Variants in SMG5 observed in about 807,000 individuals in gnomAD.
SMG5 encodes the protein nonsense-mediated mRNA decay factor SMG5.
A neutral mutation model predicts 122.9 loss-of-function variants in SMG5; 53 were observed. That is an observed-to-expected ratio of 0.43 (90% CI 0.35 to 0.54). The LOEUF (loss-of-function observed/expected upper bound fraction) is 0.54. Ranked by LOEUF, SMG5 falls within the 20% of genes least tolerant of loss-of-function variation. SMG5 has a pLI of 0.01. For missense variants in SMG5, 1,153 were observed against 1,285.6 expected, an observed-to-expected ratio of 0.90 and a Z score of 1.58; for synonymous variants, 477 against 490.2, an observed-to-expected ratio of 0.97 and a Z score of 0.35.
intron 7 of SMG5, 148 bp downstream of exon 7, chr1:156,272,172 A>C (rs1662465680): frequency 2.8e-6 from 2 of 702,244 alleles, no homozygotes; most frequent in African/African-American, 3.6e-5. Flanking sequence ...GGGCTGTGTC[A>C]GAGTCCCCCT....
Position 156,261,415 on chromosome 1 carries a change from A to C in SMG5, c.2032-7T>G. 6.2e-7 allele frequency: 1 copy of C among 1,613,688 alleles called. No homozygotes were observed. The highest frequency in any genetic ancestry group is 8.5e-7 in the Non-Finnish European group (1 of 1,179,654). On this transcript the variant is annotated splice_region_variant and splice_polypyrimidine_tract_variant and intron_variant, in intron 13 of 21. Coordinates refer to ENST00000361813, the MANE Select transcript of SMG5 (RefSeq NM_015327.3). ...TCCACAGACTTTGAGAGCTCTGGGGAGAGAGAAGGGAGAGGAGGCCTTCAG... is the reference window on the plus strand; with the variant it reads ...TCCACAGACTTTGAGAGCTCTGGGGCGAGAGAAGGGAGAGGAGGCCTTCAG...
chr1:156,281,715 G>A (rs577120000), intron 1 of SMG5, among the ~76,000 whole-genome samples: 7 of 152,344 alleles, frequency 4.6e-5, no homozygotes, highest in Admixed American at 4.6e-4. Context: ...CTACTCTGTA[G>A]TAGAAGGCAC....
rs748119287 is a variant in SMG5 at position 156,274,693 on chromosome 1, G to T, written c.455-7C>A. On this transcript the variant is annotated splice_polypyrimidine_tract_variant and splice_region_variant and intron_variant, in intron 4 of 21. Coordinates refer to ENST00000361813, the MANE Select transcript of SMG5 (RefSeq NM_015327.3). The stretch of plus-strand genomic sequence containing the variant: ...GACACTGGCTTCTTGCATCCTATGA[G>T]ACAAAGAGAAAGAGATTTGTAGGCC... 4.3e-6 allele frequency: 7 copies of T among 1,612,678 alleles called. No individual in the cohort carries two copies. The highest frequency in any genetic ancestry group is 8.5e-7 in the Non-Finnish European group (1 of 1,178,870).
At chr1:156,259,220 G>A in intron 15 of SMG5, 57 bp from the exon 16 acceptor site, 2 of 1,487,456 alleles carry the variant, frequency 1.3e-6, no homozygotes, top group Admixed American at 2.4e-5. Context: ...GACCCACCCT[G>A]CCCTCCAGGA....
intron 4 of SMG5, among the ~76,000 whole-genome samples, chr1:156,275,066 G>A (rs554799409): frequency 1.8e-4 from 27 of 146,330 alleles, no homozygotes; most frequent in East Asian, 2.2e-4. Context: ...ACACATAAAG[G>A]TGAAAGGTTT....
chr1:156,284,432 T>C (rs1447579388), upstream of SMG5: 3 of 152,190 alleles, frequency 2.0e-5, no homozygotes, highest in Admixed American at 6.5e-5. Flanking sequence ...GGGTCCAAAC[T>C]GCAAGGTTTG....
chr1:156,265,244 GGAAGTAAAA>G (rs11276845), intron 12 of SMG5, among the ~76,000 whole-genome samples: 32,871 of 150,682 alleles, frequency 0.22, 3,795 homozygotes, highest in Admixed American at 0.32. Flanking sequence ...AAAAAACTTT[GGAAGTAAAA>G]GACAGCCTAG....
At chr1:156,291,315 C>T in the SMG5 span, 2 of 1,443,834 alleles carry the variant, frequency 1.4e-6, no homozygotes, top group South Asian at 2.4e-5. Context: ...CTCCCCCCAC[C>T]GTCAGCCTAT....
upstream of SMG5, chr1:156,285,184 G>C (rs980681686): frequency 6.6e-7 from 1 of 1,512,882 alleles, no homozygotes; most frequent in African/African-American, 1.4e-5. Context: ...TTCCCTGCAG[G>C]ATGACATGAC....
intron 20 of SMG5, 21 bp downstream of exon 20, chr1:156,251,382 G>C (rs1484956450): frequency 6.2e-7 from 1 of 1,613,858 alleles, no homozygotes; most frequent in African/African-American, 1.3e-5. Flanking sequence ...GAGGTTCTAG[G>C]GGTGAGGGCT....
At chr1:156,285,632 T>C (rs550866867), upstream of SMG5, 88 of 1,613,934 alleles carry the variant, frequency 5.5e-5, 1 homozygote, top group South Asian at 6.5e-4. Flanking sequence ...TGACCTACAG[T>C]GCATTGAGCG....
At position 156,252,397 on chromosome 1, in the gene SMG5, A is replaced by C; in HGVS notation, c.2753+17T>G. 6.2e-7 allele frequency: 1 copy of C among 1,613,170 alleles called. No individual in the cohort carries two copies. The highest frequency in any genetic ancestry group is 8.5e-7 in the Non-Finnish European group (1 of 1,179,162). Reference sequence around the variant, plus strand: ...CAGACCCAGGGCTCAGCACAGGTCCAGCCAGGCCACACTCACCTGTTTCCT... The same window carrying C: ...CAGACCCAGGGCTCAGCACAGGTCCCGCCAGGCCACACTCACCTGTTTCCT... On this transcript the variant is annotated intron_variant, in intron 19 of 21. Transcript: ENST00000361813.
At chr1:156,270,741 C>T (rs1238996371) in intron 7 of SMG5, among the ~76,000 whole-genome samples, 1 of 152,208 alleles carries the variant, frequency 6.6e-6, no homozygotes, top group Non-Finnish European at 1.5e-5. Context: ...GGCACGGTGG[C>T]TCACGCCTGT....
chr1:156,270,066 T>G (rs1265883579), intron 7 of SMG5, among the ~76,000 whole-genome samples: 3 of 141,940 alleles, frequency 2.1e-5, no homozygotes, highest in African/African-American at 7.3e-5. Flanking sequence ...AAAAACCCAA[T>G]GACCTTAACA....
upstream of SMG5, among the ~76,000 whole-genome samples, chr1:156,283,580 G>C (rs1418842077): frequency 6.6e-6 from 1 of 152,230 alleles, no homozygotes; most frequent in Non-Finnish European, 1.5e-5. Context: ...GAGCGTGACT[G>C]CTTTGTCTTG....
At chr1:156,266,699 C>T in intron 10 of SMG5, 21 bp from the exon 11 acceptor site, 1 of 1,613,846 alleles carries the variant, frequency 6.2e-7, no homozygotes, top group Non-Finnish European at 8.5e-7. Flanking sequence ...GAAAGCCAGG[C>T]ATTAGGGGCC....
intron 19 of SMG5, among the ~76,000 whole-genome samples, 171 bp downstream of exon 19, chr1:156,252,243 T>C (rs1474640920): frequency 1.3e-5 from 2 of 152,192 alleles, no homozygotes; most frequent in Admixed American, 6.5e-5. Flanking sequence ...AGCTACAACC[T>C]TGACTTCTAA....
chr1:156,282,906 A>G (rs574844884), upstream of SMG5: 109 of 544,862 alleles, frequency 2.0e-4, 1 homozygote, highest in South Asian at 2.6e-3. Flanking sequence ...AAATCTCGCG[A>G]AACTCGTTTT....
chr1:156,255,852 A>G (rs1389664910), intron 16 of SMG5, among the ~76,000 whole-genome samples: 9 of 152,182 alleles, frequency 5.9e-5, no homozygotes, highest in Admixed American at 2.0e-4. Flanking sequence ...GCAGTGAGCT[A>G]TGGTCATGCC....
Sources: allele counts gnomAD v4.1 joint callset (sites outside exome capture counted in the v4.1 genomes callset), GRCh38; gene constraint gnomAD v4.1.1; transcripts MANE v1.5; gene names NCBI Gene and HGNC (gene_info 2026-07-23, HGNC 2026-07-21).